SNX13: variants seen among roughly 807,000 people sequenced by gnomAD.
The protein encoded by SNX13 is sorting nexin 13, also known as sorting nexin-13.
SNX13 carries 45 observed loss-of-function variants against 133.6 expected under a neutral mutation model. That is an observed-to-expected ratio of 0.34 (90% CI 0.27 to 0.43). The LOEUF (loss-of-function observed/expected upper bound fraction) is 0.43. Ranked by LOEUF, SNX13 falls within the 20% of genes least tolerant of loss-of-function variation. The pLI is 1.00. For missense variants in SNX13, 1,032 were observed against 1,145.1 expected (o/e 0.90, Z 1.43); for synonymous variants, 414 against 373.9 (o/e 1.11, Z -1.24).
chr7:17,881,104 T>C (rs907089363), intron 5 of SNX13: 10 of 152,262 alleles, frequency 6.6e-5, no homozygotes, highest in Admixed American at 1.3e-4. Flanking sequence ...AATCCTATAA[T>C]AAATGTTATG....
chr7:17,845,177 C>CAT (rs398003837), intron 12 of SNX13, among the ~76,000 whole-genome samples: 1 of 151,238 alleles, frequency 6.6e-6, no homozygotes, highest in African/African-American at 2.4e-5. Flanking sequence ...CACACACACA[C>CAT]GAATATTATT....
intron 3 of SNX13, among the ~76,000 whole-genome samples, chr7:17,893,055 TATG>T (rs1178775881): frequency 1.3e-5 from 2 of 152,246 alleles, no homozygotes; most frequent in Admixed American, 6.5e-5. Flanking sequence ...TTTGAAATAC[TATG>T]ATAAGACAGC....
rs763967408 is a variant in SNX13, at chr7:17,798,697, G to A, written c.2506C>T (p.Arg836Cys). ...CTGTGTCTTAAGATATACCTGAAAC[G>A]TTTCACTGAGTCGGCTACTTGTTCA... ...SPEQVADSVK[R>C]FRDAFWPNGI... The change falls in exon 24 of 26, where the codon CGT becomes TGT. Residue 836 changes from arginine to cysteine, a missense_variant. Arg to Cys is a radical substitution (Grantham distance 180). Coordinates refer to ENST00000428135, the MANE Select transcript of SNX13 (RefSeq NM_015132.5). 1.3e-6 allele frequency: 2 copies of A among 1,575,036 alleles called. No homozygotes were observed. The highest frequency in any genetic ancestry group is 1.7e-6 in the Non-Finnish European group (2 of 1,160,598).
intron 12 of SNX13, 88 bp from the exon 13 acceptor site, chr7:17,840,088 A>C: frequency 9.2e-7 from 1 of 1,081,944 alleles, no homozygotes; most frequent in Non-Finnish European, 1.3e-6. Context: ...AGAAGGATTA[A>C]AGTTTCAAGT....
intron 8 of SNX13, among the ~76,000 whole-genome samples, chr7:17,871,368 G>A (rs1338349239): frequency 6.6e-6 from 1 of 152,106 alleles, no homozygotes; most frequent in Admixed American, 6.5e-5. Flanking sequence ...GGCACTTTTG[G>A]GGGAAAATGC....
At chr7:17,829,332 A>G (rs1788230262) in intron 16 of SNX13, among the ~76,000 whole-genome samples, 1 of 151,518 alleles carries the variant, frequency 6.6e-6, no homozygotes, top group South Asian at 2.1e-4. Flanking sequence ...TCCTAACAGC[A>G]TCTTAGAAAA....
At position 17,850,809 on chromosome 7, in the gene SNX13, T is replaced by C; in HGVS notation, c.976+17A>G. On this transcript the variant is annotated intron_variant, in intron 10 of 25. Transcript: ENST00000428135. ...ATACTTCAAAAAAATATATCTTAAA[T>C]TAAATACATTACTTACCATCACCAG... 2 of 1,523,066 alleles carry C rather than the reference T, an allele frequency of 1.3e-6. No individual in the cohort carries two copies. Among genetic ancestry groups the C allele is most frequent in the Non-Finnish European group, 1.8e-6 (2 of 1,140,002 alleles). The allele number at this position is 1,523,066 out of a possible 1,614,324, so 94.3% of individuals were successfully genotyped here. A position where few individuals can be genotyped will look rare whatever the true frequency, so the allele number is the denominator to read the frequency against.
intron 17 of SNX13, among the ~76,000 whole-genome samples, chr7:17,825,772 G>C (rs995686618): frequency 3.3e-5 from 5 of 152,104 alleles, no homozygotes; most frequent in African/African-American, 1.2e-4. Context: ...TGGTTTTAGA[G>C]TTTATTAGAA....
intron 21 of SNX13, among the ~76,000 whole-genome samples, chr7:17,802,510 G>A (rs1320981844): frequency 2.0e-5 from 3 of 152,048 alleles, no homozygotes; most frequent in Non-Finnish European, 2.9e-5. Context: ...ATGACAAAGA[G>A]GCCTAGAAAA....
chr7:17,902,022 T>C (rs1036716137), intron 1 of SNX13, among the ~76,000 whole-genome samples: 3 of 152,198 alleles, frequency 2.0e-5, no homozygotes, highest in Non-Finnish European at 2.9e-5. Context: ...TGAGTTGATA[T>C]GGAGAAGATT....
intron 13 of SNX13, among the ~76,000 whole-genome samples, chr7:17,836,122 A>C (rs1789104398): frequency 6.6e-6 from 1 of 152,002 alleles, no homozygotes; most frequent in African/African-American, 2.4e-5. Context: ...TACAGAATAG[A>C]TTAAGCCACA....
Position 17,834,069 on chromosome 7 carries a change from G to T in SNX13, c.1580C>A (p.Ser527Tyr). Residue 527 changes from serine to tyrosine, a missense_variant, in exon 15 of 26, where the codon TCC (serine) becomes TAC (tyrosine). Ser to Tyr is a moderately radical substitution (Grantham distance 144). Coordinates refer to ENST00000428135, the MANE Select transcript of SNX13 (RefSeq NM_015132.5). ...DMLKDPSFRG[S>Y]DDGDGESFNG... Reference sequence around the variant, plus strand: ...CACCTTACCTCCATCCCCATCATCGGATCCTCTGAAACTAGGATCTTTTAA... The same window carrying T: ...CACCTTACCTCCATCCCCATCATCGTATCCTCTGAAACTAGGATCTTTTAA... 6.4e-7 allele frequency: 1 copy of T among 1,571,214 alleles called. No homozygotes were observed. Among genetic ancestry groups the T allele is most frequent in the Non-Finnish European group, 8.7e-7 (1 of 1,153,606 alleles).
chr7:17,931,858 T>C (rs1238406212), intron 1 of SNX13, among the ~76,000 whole-genome samples: 3 of 152,222 alleles, frequency 2.0e-5, no homozygotes, highest in Non-Finnish European at 2.9e-5. Context: ...TTTTCTGGTA[T>C]ATATTATTTC....
At chr7:17,818,119 ACCATCTACAAG>A (rs1471458871) in intron 18 of SNX13, among the ~76,000 whole-genome samples, 1 of 152,162 alleles carries the variant, frequency 6.6e-6, no homozygotes, top group African/African-American at 2.4e-5. Flanking sequence ...CAAGAACCCT[ACCATCTACAAG>A]CCAAGAAGCG....
In SNX13 at chr7:17,829,167, C is replaced by T. The variant is rs140209076; in HGVS notation, c.1635+843G>A. 7.7e-4 allele frequency among the ~76,000 whole-genome samples: 116 copies of T among 151,572 alleles called. No homozygotes were observed. The East Asian group carries it at 9.7e-3, about 13-fold the overall frequency. ...ATGGTAGTACAGCTAACACCTAAGA[C>T]GACTAACCTCTAAAACATTTAGCTA... On this transcript the variant is annotated intron_variant, in intron 16 of 25. Transcript: ENST00000428135.
In SNX13 at chr7:17,875,270, G is replaced by A. The variant is rs182776120; in HGVS notation, c.664+210C>T. ...GGCATGAGCCACTGCACCCAGCCAG[G>A]ACCAGTTAATTATTAAAGATGACCT... On this transcript the variant is annotated intron_variant, in intron 7 of 25. Transcript: ENST00000428135. 5.7e-3 allele frequency among the ~76,000 whole-genome samples: 872 copies of A among 152,096 alleles called. 8 individuals are homozygous for A. The highest frequency in any genetic ancestry group is 8.2e-3 in the Non-Finnish European group (560 of 67,986).
intron 1 of SNX13, among the ~76,000 whole-genome samples, chr7:17,938,108 A>AT (rs1802318882): frequency 6.6e-6 from 1 of 152,228 alleles, no homozygotes; most frequent in Admixed American, 6.5e-5. Flanking sequence ...TATATCTAAA[A>AT]TATCTCAAAA....
chr7:17,793,919 T>C lies in SNX13; in HGVS notation c.*126A>G. 1.0e-6 allele frequency: 1 copy of C among 985,254 alleles called. No individual in the cohort carries two copies. The highest frequency in any genetic ancestry group is 1.8e-5 in the South Asian group (1 of 54,916). The allele number at this position is 985,254 out of a possible 1,614,324, so 61.0% of individuals were successfully genotyped here. ...GAAGAACCACAGACTTATGGATGTA[T>C]TAATAATCTATTTTGAGACACTAAA... is the stretch of plus-strand genomic sequence containing the variant. On this transcript the variant is annotated 3_prime_UTR_variant, in exon 26 of 26. Transcript: ENST00000428135.
chr7:17,828,528 A>G (rs564046648), intron 16 of SNX13, among the ~76,000 whole-genome samples: 1 of 151,814 alleles, frequency 6.6e-6, no homozygotes, highest in South Asian at 2.1e-4. Flanking sequence ...AACACATTAA[A>G]TATCTCCTTT....
Sources: gnomAD v4.1 joint callset for allele counts (sites outside exome capture counted in the v4.1 genomes callset) on GRCh38, gnomAD v4.1.1 for gene constraint, MANE v1.5 for transcripts, NCBI Gene and HGNC (gene_info 2026-07-23, HGNC 2026-07-21) for gene names.